Variants in KAZN observed in about 807,000 individuals in gnomAD.
KAZN encodes kazrin, periplakin interacting protein.
Under a neutral mutation model 87.4 loss-of-function variants are expected in KAZN, and 40 were observed. The ratio of observed to expected loss-of-function variants is 0.46; its 90% CI spans 0.36 to 0.60. The LOEUF is 0.60. Ranked by LOEUF, KAZN falls within the 20% of genes least tolerant of loss-of-function variation. KAZN has a pLI of 0.00. For missense variants in KAZN, 898 were observed against 1,073.9 expected, an observed-to-expected ratio of 0.84 and a Z score of 2.29; for synonymous variants, 466 against 458.3, an observed-to-expected ratio of 1.02 and a Z score of -0.22.
At chr1:14,724,140 G>A (rs972395551) in intron 1 of KAZN, among the ~76,000 whole-genome samples, 2 of 152,122 alleles carry the variant, frequency 1.3e-5, no homozygotes, top group South Asian at 2.1e-4. Context: ...GATTAATTCC[G>A]GGTGGCGAGC....
At chr1:14,578,363 C>G (rs183966060) in intron 2 of KAZN, among the ~76,000 whole-genome samples, 8 of 152,216 alleles carry the variant, frequency 5.3e-5, no homozygotes, top group Admixed American at 5.2e-4. Flanking sequence ...ATTTCAGTCC[C>G]TTTCAGCTGT....
chr1:14,395,827 C>A (rs1662851377), intron 2 of KAZN, among the ~76,000 whole-genome samples: 2 of 152,052 alleles, frequency 1.3e-5, no homozygotes. Context: ...GTGGCACTGA[C>A]CAATCAGAGC....
intron 1 of KAZN, among the ~76,000 whole-genome samples, chr1:14,872,991 G>A (rs1433811013): frequency 1.4e-5 from 2 of 140,860 alleles, no homozygotes; most frequent in Admixed American, 7.3e-5. Context: ...AGAACATATA[G>A]AAGGATACAT....
At chr1:15,041,270 G>T (rs1672871129) in intron 3 of KAZN, among the ~76,000 whole-genome samples, 2 of 149,184 alleles carry the variant, frequency 1.3e-5, no homozygotes, top group Non-Finnish European at 3.0e-5. Flanking sequence ...CTCCTAGCCA[G>T]ACCTTCATGC....
chr1:14,079,734 G>C (rs145151665), intron 1 of KAZN, among the ~76,000 whole-genome samples: 1 of 152,148 alleles, frequency 6.6e-6, no homozygotes, highest in African/African-American at 2.4e-5. Flanking sequence ...CAAGTGCTGC[G>C]GGTGAGTATT....
chr1:14,980,026 C>T (rs1440981535), intron 2 of KAZN, among the ~76,000 whole-genome samples: 3 of 152,082 alleles, frequency 2.0e-5, no homozygotes, highest in African/African-American at 7.2e-5. Flanking sequence ...GTAGCTAGGA[C>T]TACAGTTGCA....
intron 1 of KAZN, among the ~76,000 whole-genome samples, chr1:14,685,734 A>T (rs1302188923): frequency 6.6e-6 from 1 of 152,208 alleles, no homozygotes; most frequent in African/African-American, 2.4e-5. Flanking sequence ...TACGGTCAAG[A>T]CAACTATAAA....
intron 1 of KAZN, among the ~76,000 whole-genome samples, chr1:14,127,396 GTTGTT>G (rs1644895982): frequency 7.8e-5 from 4 of 51,006 alleles, no homozygotes; most frequent in Non-Finnish European, 6.8e-5. Context: ...CCCCTTTACT[GTTGTT>G]TTTTTTTTTT....
Position 15,114,563 on chromosome 1 carries a change from C to T in KAZN, c.2256C>T (p.Asp752=), listed in dbSNP as rs762544723. 2.8e-5 allele frequency: 45 copies of T among 1,607,496 alleles called. No individual in the cohort carries two copies. The highest frequency in any genetic ancestry group is 7.8e-5 in the South Asian group (7 of 89,552). Residue 752 remains aspartate, a synonymous_variant, in exon 15 of 15, where the codon GAC becomes GAT. Transcript: ENST00000376030. ...CTCTTCAAAACGAAGATTGCGGAGA[C>T]GATGACCCCCAGAGCAGGCTGGAAC... The part of the protein sequence containing the change: ...YGSLQNEDCG[D]DDPQSRLEQC...
intron 1 of KAZN, among the ~76,000 whole-genome samples, chr1:13,951,263 G>A (rs1269072420): frequency 6.6e-6 from 1 of 152,162 alleles, no homozygotes; most frequent in Non-Finnish European, 1.5e-5. Context: ...GGGACCTGGA[G>A]TTAGCCTATC....
chr1:14,714,775 T>G, intron 1 of KAZN, among the ~76,000 whole-genome samples: 1 of 148,058 alleles, frequency 6.8e-6, no homozygotes, highest in Non-Finnish European at 1.5e-5. Context: ...GTATTTTTCT[T>G]TTTTCTTTTT....
intron 1 of KAZN, among the ~76,000 whole-genome samples, chr1:14,027,438 T>A (rs868560504): frequency 1.3e-5 from 2 of 152,134 alleles, no homozygotes; most frequent in Non-Finnish European, 2.9e-5. Context: ...TTAAACATAT[T>A]AATTTCATGT....
chr1:14,404,662 G>C (rs1356484405), intron 2 of KAZN, among the ~76,000 whole-genome samples: 1 of 152,102 alleles, frequency 6.6e-6, no homozygotes, highest in South Asian at 2.1e-4. Context: ...TCTGTAAATA[G>C]GAGAAAAGAT....
At chr1:14,526,428 T>G (rs1030454695) in intron 2 of KAZN, among the ~76,000 whole-genome samples, 1 of 152,214 alleles carries the variant, frequency 6.6e-6, no homozygotes, top group African/African-American at 2.4e-5. Context: ...GTTACAGCCA[T>G]GTGCCAAGTG....
chr1:14,412,854 TATC>T (rs1308302852), intron 2 of KAZN, among the ~76,000 whole-genome samples: 5 of 151,300 alleles, frequency 3.3e-5, no homozygotes, highest in African/African-American at 9.7e-5. Flanking sequence ...GATATCAAGA[TATC>T]ATAAAATTGT....
intron 1 of KAZN, among the ~76,000 whole-genome samples, chr1:14,702,822 G>A (rs928613154): frequency 2.0e-5 from 3 of 152,086 alleles, no homozygotes; most frequent in African/African-American, 7.2e-5. Flanking sequence ...TAGTATCACC[G>A]TCATTTCTTA....
chr1:14,773,923 A>C lies in KAZN; in HGVS notation c.226+174700A>C, dbSNP rs1645095687. 6.6e-6 allele frequency among the ~76,000 whole-genome samples: 1 copy of C among 152,206 alleles called. No homozygotes were observed. ...AGGCAGGGAAGACCTGTCAACACTA[A>C]TTAGAAAAAAGTGGTTCTCACCGCC... On this transcript the variant is annotated intron_variant, in intron 1 of 14. Coordinates refer to ENST00000376030, the MANE Select transcript of KAZN (RefSeq NM_201628.3). This position sits in a 1 kb window ranked among gnomAD's most constrained non-coding sequence, Gnocchi z 5.9.
At chr1:15,049,233 C>T (rs1489532785) in intron 4 of KAZN, among the ~76,000 whole-genome samples, 1 of 152,234 alleles carries the variant, frequency 6.6e-6, no homozygotes, top group East Asian at 1.9e-4. Flanking sequence ...GCTGCCTGCT[C>T]CTGAGACCAT....
intron 1 of KAZN, among the ~76,000 whole-genome samples, chr1:14,733,186 T>C (rs1243834250): frequency 1.3e-5 from 2 of 152,132 alleles, no homozygotes; most frequent in Admixed American, 6.5e-5. Context: ...TTCCGCCCAC[T>C]GCCCCAGGCT....
Sources: gnomAD v4.1 joint callset for allele counts (sites outside exome capture counted in the v4.1 genomes callset) on GRCh38, gnomAD v4.1.1 for gene constraint, Gnocchi (gnomAD v3.1) non-coding constraint, MANE v1.5 for transcripts, NCBI Gene and HGNC (gene_info 2026-07-23, HGNC 2026-07-21) for gene names.